Variants in WWTR1 observed in about 807,000 individuals in gnomAD.
WWTR1 encodes WW domain containing transcription regulator 1.
In WWTR1, 13 loss-of-function variants were observed where a neutral mutation model predicts 40.1. That is an observed-to-expected ratio of 0.32 (90% confidence interval 0.21 to 0.52). The LOEUF (loss-of-function observed/expected upper bound fraction) is 0.52, where lower values mean the gene tolerates loss of function less well. WWTR1 is among the 20% of genes least tolerant of loss of function. The pLI is 0.97. For synonymous variants in WWTR1, 230 were observed against 210.1 expected (o/e 1.09, Z -0.82); for missense variants, 436 against 523.1 (o/e 0.83, Z 1.63).
At chr3:149,544,607 A>G (rs1327551806) in intron 3 of WWTR1, among the ~76,000 whole-genome samples, 2 of 152,140 alleles carry the variant, frequency 1.3e-5, no homozygotes, top group Admixed American at 6.5e-5. Flanking sequence ...AGGTTAAGGG[A>G]TGTGCCCTGG....
rs1382945317 is a variant in WWTR1, at chr3:149,526,030, A to G, written c.1001T>C (p.Val334Ala). Residue 334 changes from valine (V) to alanine (A), a missense_variant, in exon 6 of 7, where the codon GTG (valine) becomes GCG (alanine). Coordinates refer to ENST00000360632, the MANE Select transcript of WWTR1 (RefSeq NM_015472.6). ...GCTCCTACCTGTATCCATCTCATCC[A>G]CATTGCTGAGGAAGTCCTCCGGAGT... is the stretch of plus-strand genomic sequence containing the variant. ...PTTPEDFLSN[V>A]DEMDTGENAG... 1 of 1,603,736 alleles carries G rather than the reference A, an allele frequency of 6.2e-7. No homozygotes were observed. Among genetic ancestry groups the G allele is most frequent in the Non-Finnish European group, 8.5e-7 (1 of 1,174,670 alleles).
rs1310681716 is a variant in WWTR1, at chr3:149,536,471, C to CAA, written c.771+5862_771+5863dup. ...CGCTAAATAGCTATTCTTTGCATGA[C>CAA]AAAAAAAAAAAGGGGGGGGCCTCAG... On this transcript the variant is annotated intron_variant, in intron 4 of 6. Transcript: ENST00000360632. Among the ~76,000 whole-genome samples, 7 of 134,320 alleles carry CAA rather than the reference C, an allele frequency of 5.2e-5. No individual in the cohort carries two copies. In the East Asian group the frequency reaches 1.3e-3, roughly 26 times the overall value. The allele number at this position is 134,320 out of a possible 152,430, so 88.1% of individuals were successfully genotyped here.
intron 2 of WWTR1, chr3:149,649,700 T>A (rs2108145941): frequency 6.6e-6 from 1 of 152,292 alleles, no homozygotes; most frequent in Non-Finnish European, 1.5e-5. Context: ...GCAGATCACC[T>A]GAGGTCAGGA....
chr3:149,643,980 T>C (rs757682999), intron 2 of WWTR1, among the ~76,000 whole-genome samples: 9 of 152,164 alleles, frequency 5.9e-5, no homozygotes, highest in Non-Finnish European at 8.8e-5. Flanking sequence ...GTAACCTCTC[T>C]AAGAAATCTC....
At chr3:149,539,418 C>G (rs1225163600) in intron 4 of WWTR1, among the ~76,000 whole-genome samples, 2 of 152,122 alleles carry the variant, frequency 1.3e-5, no homozygotes, top group African/African-American at 4.8e-5. Flanking sequence ...TGCTCCCAGA[C>G]AGGCTCAGTT....
chr3:149,617,232 CA>C lies in WWTR1; in HGVS notation c.431+39643del, dbSNP rs1401548442. Among the ~76,000 whole-genome samples, 9 of 152,222 alleles carry C rather than the reference CA, an allele frequency of 5.9e-5. No individual in the cohort carries two copies. In the East Asian group the frequency reaches 1.7e-3, roughly 29 times the overall value. On this transcript the variant is annotated intron_variant, in intron 2 of 6. Coordinates refer to ENST00000360632, the MANE Select transcript of WWTR1 (RefSeq NM_015472.6). ...AGGGTCTCCTGGGGACCATGATGAG[CA>C]GAAGGAAAAACGAACTTTCATCTCA...
intron 1 of WWTR1, among the ~76,000 whole-genome samples, chr3:149,696,145 T>C (rs1359535920): frequency 7.0e-6 from 1 of 142,466 alleles, no homozygotes; most frequent in South Asian, 2.2e-4. Flanking sequence ...ATCACACAGA[T>C]AGGAAGTGGC....
chr3:149,600,627 A>C (rs1399663249), intron 2 of WWTR1, among the ~76,000 whole-genome samples: 1 of 152,216 alleles, frequency 6.6e-6, no homozygotes, highest in East Asian at 1.9e-4. Context: ...CACCTTCCTC[A>C]AGGCAATAGC....
At chr3:149,540,399 A>T (rs139061130) in intron 4 of WWTR1, 1 of 407,502 alleles carries the variant, frequency 2.5e-6, no homozygotes, top group East Asian at 7.3e-5. Context: ...TTTCTGTGGG[A>T]AAGAAGGAGG....
intron 1 of WWTR1, among the ~76,000 whole-genome samples, chr3:149,694,412 AAAAC>A (rs905220209): frequency 3.9e-5 from 6 of 152,226 alleles, no homozygotes; most frequent in Non-Finnish European, 7.3e-5. Context: ...TCTCAAAAAC[AAAAC>A]AAACAAACAA....
chr3:149,640,969 A>G (rs976635798), intron 2 of WWTR1, among the ~76,000 whole-genome samples: 1 of 152,062 alleles, frequency 6.6e-6, no homozygotes, highest in Non-Finnish European at 1.5e-5. Flanking sequence ...GTATCAAGTC[A>G]CTGGCAAATC....
intron 3 of WWTR1, among the ~76,000 whole-genome samples, chr3:149,560,300 G>A (rs1056365581): frequency 2.6e-5 from 4 of 152,158 alleles, no homozygotes; most frequent in Non-Finnish European, 4.4e-5. Flanking sequence ...AAAACTAGAG[G>A]AGACACAGAG....
chr3:149,526,554 G>A (rs530716184), intron 5 of WWTR1, among the ~76,000 whole-genome samples: 82 of 152,324 alleles, frequency 5.4e-4, no homozygotes, highest in African/African-American at 1.9e-3. Flanking sequence ...GAAAAGAAAC[G>A]AGATTTCAGT....
At chr3:149,705,838 G>A (rs1395890510), upstream of WWTR1, among the ~76,000 whole-genome samples, 1 of 152,212 alleles carries the variant, frequency 6.6e-6, no homozygotes, top group Non-Finnish European at 1.5e-5. Flanking sequence ...AATTGGGTAA[G>A]AGGAGGAGCT....
chr3:149,564,118 G>A (rs1230144854), intron 3 of WWTR1, among the ~76,000 whole-genome samples: 4 of 152,182 alleles, frequency 2.6e-5, no homozygotes, highest in African/African-American at 4.8e-5. Flanking sequence ...CTGAGCACTC[G>A]AAAACAGCAT....
chr3:149,557,015 T>C (rs370964204), intron 3 of WWTR1, among the ~76,000 whole-genome samples: 3 of 147,594 alleles, frequency 2.0e-5, no homozygotes, highest in African/African-American at 5.0e-5. Context: ...AAAAAGACTA[T>C]AGAAAACTTC....
intron 2 of WWTR1, among the ~76,000 whole-genome samples, chr3:149,651,982 C>T (rs1259739007): frequency 1.4e-5 from 2 of 145,714 alleles, no homozygotes; most frequent in Non-Finnish European, 3.0e-5. Context: ...CCCGCTGCCA[C>T]GCCCGGCTAA....
At chr3:149,675,897 T>C (rs1447508049) in intron 1 of WWTR1, among the ~76,000 whole-genome samples, 8 of 152,090 alleles carry the variant, frequency 5.3e-5, no homozygotes, top group Non-Finnish European at 1.2e-4. Flanking sequence ...TTTTGTGTTT[T>C]TAGTAGAGAT....
chr3:149,694,430 CA>C (rs896591324), intron 1 of WWTR1, among the ~76,000 whole-genome samples: 1 of 151,710 alleles, frequency 6.6e-6, no homozygotes, highest in African/African-American at 2.4e-5. Flanking sequence ...CAAACAACAA[CA>C]AAAAAACAAG....
Sources: gnomAD v4.1 joint callset for allele counts (sites outside exome capture counted in the v4.1 genomes callset) on GRCh38, gnomAD v4.1.1 for gene constraint, MANE v1.5 for transcripts, NCBI Gene and HGNC (gene_info 2026-07-23, HGNC 2026-07-21) for gene names.